GPHN: variants seen among roughly 807,000 people sequenced by gnomAD.
GPHN encodes the protein gephyrin.
In GPHN, 17 loss-of-function variants were observed where a neutral mutation model predicts 95.5. The ratio of observed to expected loss-of-function variants is 0.18; its 90% confidence interval spans 0.12 to 0.27. The LOEUF (loss-of-function observed/expected upper bound fraction) is 0.27. Ranked by LOEUF, GPHN falls within the 10% of genes least tolerant of loss-of-function variation. GPHN has a pLI of 1.00. For missense variants in GPHN, 660 were observed against 978.1 expected (o/e 0.67, Z 4.34); for synonymous variants, 320 against 322.5 (o/e 0.99, Z 0.08).
At chr14:67,605,660 A>G in the GPHN span, among the ~76,000 whole-genome samples, 1 of 152,182 alleles carries the variant, frequency 6.6e-6, no homozygotes, top group Non-Finnish European at 1.5e-5. Context: ...TAAAATTTAT[A>G]TTAAATAAAT....
intron 5 of GPHN, among the ~76,000 whole-genome samples, chr14:66,890,410 C>CAAAA (rs781415190): frequency 2.5e-5 from 2 of 79,988 alleles, no homozygotes; most frequent in African/African-American, 7.7e-5. Context: ...GACCCTGTCT[C>CAAAA]AAAAAAAAAA....
At chr14:66,863,360 G>A (rs895897357) in intron 4 of GPHN, among the ~76,000 whole-genome samples, 1 of 151,994 alleles carries the variant, frequency 6.6e-6, no homozygotes, top group Non-Finnish European at 1.5e-5. Flanking sequence ...TTCATGGGTT[G>A]GAAAAATTAA....
chr14:67,237,913 T>G, the GPHN span, among the ~76,000 whole-genome samples: 1 of 152,188 alleles, frequency 6.6e-6, no homozygotes, highest in South Asian at 2.1e-4. Flanking sequence ...CATTCTATTT[T>G]GGGGGGAATA....
the GPHN span, among the ~76,000 whole-genome samples, chr14:67,461,358 A>G: frequency 6.6e-6 from 1 of 152,188 alleles, no homozygotes; most frequent in African/African-American, 2.4e-5. Context: ...ACTCCAGTCT[A>G]ATGACTCCAA....
chr14:66,585,869 A>C (rs904117545), intron 1 of GPHN, among the ~76,000 whole-genome samples: 1 of 152,124 alleles, frequency 6.6e-6, no homozygotes, highest in Non-Finnish European at 1.5e-5. Flanking sequence ...TATTCTGTTG[A>C]TTTGGGGTGG....
At chr14:67,680,608 G>A in the GPHN span, among the ~76,000 whole-genome samples, 4 of 152,100 alleles carry the variant, frequency 2.6e-5, no homozygotes, top group Admixed American at 1.3e-4. Flanking sequence ...ACAGGGACAC[G>A]CCACCACGCC....
chr14:67,209,874 A>C, the GPHN span, among the ~76,000 whole-genome samples: 206 of 152,112 alleles, frequency 1.4e-3, 4 homozygotes, highest in East Asian at 0.023. Context: ...CTTTATATAT[A>C]AGTAGTTGGT....
intron 13 of GPHN, among the ~76,000 whole-genome samples, chr14:67,107,541 G>A (rs1021940579): frequency 3.9e-5 from 6 of 152,166 alleles, no homozygotes; most frequent in Non-Finnish European, 5.9e-5. Flanking sequence ...AAAAGGTTTT[G>A]GCCAGGGGAG....
the GPHN span, chr14:67,387,549 A>G: frequency 4.1e-5 from 51 of 1,231,092 alleles, no homozygotes; most frequent in African/African-American, 6.8e-4. Flanking sequence ...GACATGGACA[A>G]AAACATACAA....
the GPHN span, among the ~76,000 whole-genome samples, chr14:67,401,872 C>G: frequency 6.6e-6 from 1 of 152,122 alleles, no homozygotes; most frequent in Non-Finnish European, 1.5e-5. Context: ...GCCTGTAATT[C>G]CAACATTTTG....
the GPHN span, among the ~76,000 whole-genome samples, chr14:67,631,875 T>C: frequency 6.6e-6 from 1 of 152,046 alleles, no homozygotes; most frequent in Admixed American, 6.6e-5. Context: ...CAAAGCTCTA[T>C]TTTTTTAAAA....
rs754420507 is a variant in GPHN at position 67,122,239 on chromosome 14, G to T, written c.1627-17G>T. ...TAACCTAATAGAATAATTTGTGGTG[G>T]TTTTTTGGCTTTGTAGCTGCTAAAT... On this transcript the variant is annotated splice_polypyrimidine_tract_variant and intron_variant, in intron 16 of 22. Transcript: ENST00000478722. The T allele has an allele frequency of 3.1e-6, 5 of 1,612,682 alleles. No individual in the cohort carries two copies. In the Admixed American group the frequency reaches 6.7e-5, roughly 22 times the overall value.
chr14:67,128,326 G>A (rs981616589), intron 17 of GPHN, among the ~76,000 whole-genome samples: 5 of 151,088 alleles, frequency 3.3e-5, no homozygotes, highest in East Asian at 1.9e-4. Flanking sequence ...GCGTGATCTC[G>A]GCTCACTGCA....
At chr14:67,694,989 G>T in the GPHN span, among the ~76,000 whole-genome samples, 1 of 152,090 alleles carries the variant, frequency 6.6e-6, no homozygotes, top group East Asian at 1.9e-4. Flanking sequence ...TCTATCACCT[G>T]GTCAATACCT....
chr14:67,302,685 A>G, the GPHN span: 7 of 818,320 alleles, frequency 8.6e-6, no homozygotes, highest in Non-Finnish European at 1.2e-5. Context: ...TTCTAGCCTG[A>G]TTTTTCCATG....
chr14:67,569,016 G>C, the GPHN span: 1 of 619,176 alleles, frequency 1.6e-6, no homozygotes, highest in Non-Finnish European at 2.8e-6. Context: ...AGATTTGTTA[G>C]CCAGTCACTG....
At chr14:66,784,561 C>G (rs1451229336) in intron 3 of GPHN, among the ~76,000 whole-genome samples, 2 of 152,070 alleles carry the variant, frequency 1.3e-5, no homozygotes, top group Non-Finnish European at 2.9e-5. Context: ...TATATATGTA[C>G]ATACTTAACA....
At chr14:67,331,338 C>T in the GPHN span, among the ~76,000 whole-genome samples, 55 of 152,266 alleles carry the variant, frequency 3.6e-4, no homozygotes, top group Admixed American at 7.2e-4. Flanking sequence ...GGAGCCCCTG[C>T]GCTGGTATTG....
intron 1 of GPHN, among the ~76,000 whole-genome samples, chr14:66,582,847 A>G (rs936091127): frequency 3.9e-5 from 6 of 152,106 alleles, no homozygotes; most frequent in East Asian, 1.9e-4. Flanking sequence ...ATAAACATAC[A>G]TGTGCATGTG....
Sources: allele counts gnomAD v4.1 joint callset (sites outside exome capture counted in the v4.1 genomes callset), GRCh38; gene constraint gnomAD v4.1.1; transcripts MANE v1.5; gene names NCBI Gene and HGNC (gene_info 2026-07-23, HGNC 2026-07-21).